Variants in DDAH1 observed in about 807,000 individuals in gnomAD.
DDAH1 encodes the protein dimethylarginine dimethylaminohydrolase 1, also known as N(G),N(G)-dimethylarginine dimethylaminohydrolase 1.
Under a neutral mutation model 28.8 loss-of-function variants are expected in DDAH1, and 19 were observed. The observed-to-expected ratio is 0.66, with a 90% confidence interval of 0.46 to 0.97. The LOEUF (loss-of-function observed/expected upper bound fraction) is 0.97. Ranked by LOEUF, DDAH1 falls within the 50% of genes least tolerant of loss-of-function variation. The probability of loss-of-function intolerance (pLI) is 0.00; values close to 1 mark genes in which losing one functional copy is unlikely to be tolerated. For missense variants in DDAH1, 326 were observed against 375.9 expected (o/e 0.87, Z 1.10); for synonymous variants, 153 against 154.4 (o/e 0.99, Z 0.07).
chr1:85,541,231 A>G (rs1297362493), intron 1 of DDAH1, among the ~76,000 whole-genome samples: 1 of 152,190 alleles, frequency 6.6e-6, no homozygotes, highest in Non-Finnish European at 1.5e-5. Context: ...GATAGCCTTT[A>G]TATTTCTTTA....
At chr1:85,365,045 T>C (rs1649999415) in intron 1 of DDAH1, among the ~76,000 whole-genome samples, 1 of 152,246 alleles carries the variant, frequency 6.6e-6, no homozygotes, top group African/African-American at 2.4e-5. Flanking sequence ...AGTCTTCCTA[T>C]GTGCCAGGCA....
At chr1:85,520,478 T>A (rs1354990266) in intron 1 of DDAH1, among the ~76,000 whole-genome samples, 1 of 152,224 alleles carries the variant, frequency 6.6e-6, no homozygotes, top group Admixed American at 6.5e-5. Flanking sequence ...AGGTTAAGGA[T>A]GATACTGTTT....
intron 1 of DDAH1, among the ~76,000 whole-genome samples, chr1:85,572,801 G>A (rs1022479671): frequency 6.6e-6 from 1 of 152,200 alleles, no homozygotes; most frequent in African/African-American, 2.4e-5. Context: ...ACATCACATG[G>A]CTCACCACTG....
At chr1:85,531,081 A>G (rs1405876661) in intron 1 of DDAH1, among the ~76,000 whole-genome samples, 1 of 151,914 alleles carries the variant, frequency 6.6e-6, no homozygotes, top group African/African-American at 2.4e-5. Flanking sequence ...CAATAAAGAA[A>G]GTCATTTAAT....
intron 1 of DDAH1, among the ~76,000 whole-genome samples, chr1:85,415,694 A>G (rs1652860007): frequency 2.0e-5 from 3 of 152,244 alleles, no homozygotes; most frequent in Admixed American, 2.0e-4. Flanking sequence ...ATAGACAAGT[A>G]ATGAAATAAT....
At chr1:85,470,836 G>A (rs190744253) in intron 2 of DDAH1, among the ~76,000 whole-genome samples, 29 of 152,248 alleles carry the variant, frequency 1.9e-4, no homozygotes, top group African/African-American at 5.5e-4. Flanking sequence ...CTGGGGTTTC[G>A]TTCATTGAAG....
At chr1:85,423,733 C>A (rs535701008) in intron 1 of DDAH1, among the ~76,000 whole-genome samples, 1 of 152,092 alleles carries the variant, frequency 6.6e-6, no homozygotes, top group South Asian at 2.1e-4. Flanking sequence ...GACAATCATG[C>A]AAAAAATAGC....
intron 1 of DDAH1, among the ~76,000 whole-genome samples, chr1:85,440,450 T>A (rs1654139070): frequency 6.6e-6 from 1 of 152,220 alleles, no homozygotes; most frequent in African/African-American, 2.4e-5. Flanking sequence ...CACAGGGGTC[T>A]AATCAGAGGT....
intron 1 of DDAH1, among the ~76,000 whole-genome samples, chr1:85,369,521 C>T (rs1213988761): frequency 3.3e-5 from 5 of 152,134 alleles, no homozygotes; most frequent in Non-Finnish European, 5.9e-5. Context: ...TTTCTAAAAA[C>T]CCGCAGGTGA....
At chr1:85,471,387 G>A (rs1423158772) in intron 2 of DDAH1, among the ~76,000 whole-genome samples, 2 of 152,086 alleles carry the variant, frequency 1.3e-5, no homozygotes, top group Non-Finnish European at 2.9e-5. Context: ...TATTAAACAT[G>A]CTCTTCAGAA....
intron 1 of DDAH1, among the ~76,000 whole-genome samples, chr1:85,374,377 C>G (rs940567921): frequency 6.6e-6 from 1 of 152,124 alleles, no homozygotes; most frequent in African/African-American, 2.4e-5. Context: ...CACAGTAGCA[C>G]TTTCTTGGCT....
chr1:85,326,701 C>T (rs12122816), intron 4 of DDAH1, among the ~76,000 whole-genome samples: 22,868 of 152,144 alleles, frequency 0.15, 2,091 homozygotes, highest in Admixed American at 0.21. Context: ...CTGTTATGAC[C>T]TGCTACCGTC....
upstream of DDAH1, among the ~76,000 whole-genome samples, chr1:85,466,386 G>T (rs951221431): frequency 6.6e-6 from 1 of 152,184 alleles, no homozygotes; most frequent in African/African-American, 2.4e-5. Context: ...GAGTAGCTGG[G>T]ACTACAGGTG....
chr1:85,415,665 CT>C (rs1409688220), intron 1 of DDAH1, among the ~76,000 whole-genome samples: 6 of 151,900 alleles, frequency 3.9e-5, no homozygotes, highest in African/African-American at 9.7e-5. Flanking sequence ...AAATGAAACA[CT>C]ATATTATTTG....
intron 1 of DDAH1, among the ~76,000 whole-genome samples, chr1:85,543,474 T>C (rs1199602538): frequency 6.6e-6 from 1 of 152,152 alleles, no homozygotes; most frequent in Non-Finnish European, 1.5e-5. Flanking sequence ...TCTGGACCAA[T>C]GACAAAAGTT....
At chr1:85,511,197 C>G (rs1657218672) in intron 1 of DDAH1, among the ~76,000 whole-genome samples, 1 of 152,200 alleles carries the variant, frequency 6.6e-6, no homozygotes, top group East Asian at 1.9e-4. Flanking sequence ...TTAAGAAACT[C>G]ACTCAAAACT....
At chr1:85,534,267 A>G (rs547984962) in intron 1 of DDAH1, among the ~76,000 whole-genome samples, 1 of 152,256 alleles carries the variant, frequency 6.6e-6, no homozygotes, top group African/African-American at 2.4e-5. Flanking sequence ...TGCAAAAACT[A>G]CCCTAAAATA....
chr1:85,479,964 A>G (rs1655952971), intron 2 of DDAH1, among the ~76,000 whole-genome samples: 1 of 152,212 alleles, frequency 6.6e-6, no homozygotes, highest in Non-Finnish European at 1.5e-5. Flanking sequence ...CGTTTTTCTG[A>G]AGCAGACGTT....
chr1:85,572,370 C>T (rs1332203259), intron 1 of DDAH1, among the ~76,000 whole-genome samples: 2 of 152,052 alleles, frequency 1.3e-5, no homozygotes, highest in Non-Finnish European at 2.9e-5. Flanking sequence ...AGGCAACTTC[C>T]TGAACTTTAA....
Sources: gnomAD v4.1 joint callset for allele counts (sites outside exome capture counted in the v4.1 genomes callset) on GRCh38, gnomAD v4.1.1 for gene constraint, MANE v1.5 for transcripts, NCBI Gene and HGNC (gene_info 2026-07-23, HGNC 2026-07-21) for gene names.